FNDC3A: variants seen among roughly 807,000 people sequenced by gnomAD.
FNDC3A encodes fibronectin type III domain containing 3A.
A neutral mutation model predicts 148.9 loss-of-function variants in FNDC3A; 32 were observed. The observed-to-expected ratio is 0.21, with a 90% CI of 0.16 to 0.29. The LOEUF (loss-of-function observed/expected upper bound fraction) is 0.29, where lower values mean the gene tolerates loss of function less well. Ranked by LOEUF, FNDC3A falls within the 10% of genes least tolerant of loss-of-function variation. FNDC3A has a pLI of 1.00. For missense variants in FNDC3A, 1,191 were observed against 1,452.8 expected (o/e 0.82, Z 2.93); for synonymous variants, 472 against 473.6 (o/e 1.00, Z 0.04).
chr13:48,999,288 G>A (rs1004094593), intron 1 of FNDC3A, among the ~76,000 whole-genome samples: 3 of 152,228 alleles, frequency 2.0e-5, no homozygotes, highest in African/African-American at 7.2e-5. Flanking sequence ...AGATCTAACA[G>A]TATTTGCCTT....
chr13:49,156,238 C>T (rs1025400613), intron 8 of FNDC3A, among the ~76,000 whole-genome samples: 3 of 148,446 alleles, frequency 2.0e-5, no homozygotes, highest in South Asian at 2.1e-4. Flanking sequence ...GGATAGTTAG[C>T]TCTTCTTGTT....
chr13:49,198,015 G>A lies in FNDC3A; in HGVS notation c.2524G>A (p.Glu842Lys). The A allele has an allele frequency of 6.2e-7, 1 of 1,614,100 alleles. No individual in the cohort carries two copies. The highest frequency in any genetic ancestry group is 8.5e-7 in the Non-Finnish European group (1 of 1,179,978). ...TGTTGTGGGTGCAGGCCCTTTCAGT[G>A]AAGTAGTAGCCTGTGTGACTCCACC... ...LSVVGAGPFS[E>K]VVACVTPPSV... Residue 842 changes from glutamate (E) to lysine (K), a missense_variant, in exon 22 of 26, where the codon GAA becomes AAA. Physicochemically the swap from Glu to Lys is moderately conservative, Grantham distance 56. Coordinates refer to ENST00000492622, the MANE Select transcript of FNDC3A (RefSeq NM_001079673.2).
At chr13:49,118,988 AGAGCTCCCAAGCTCTGCT>A (rs1024535668) in intron 4 of FNDC3A, among the ~76,000 whole-genome samples, 4 of 152,358 alleles carry the variant, frequency 2.6e-5, no homozygotes, top group African/African-American at 7.2e-5. Context: ...ATCTCCCAGC[AGAGCTCCCAAGCTCTGCT>A]AAGGGACACA....
In FNDC3A at chr13:49,032,482, G is replaced by A. The variant is rs565981147; in HGVS notation, c.99+26193G>A. 3.9e-5 allele frequency among the ~76,000 whole-genome samples: 6 copies of A among 152,330 alleles called. No homozygotes were observed. In the East Asian group the frequency reaches 1.2e-3, roughly 29 times the overall value. On this transcript the variant is annotated intron_variant, in intron 2 of 25. Coordinates refer to ENST00000492622, the MANE Select transcript of FNDC3A (RefSeq NM_001079673.2). ...GAAGCACTTCAGTATATGCCGCAATGTGGATGAACCTCAAAAACATTATGC... is the reference window on the plus strand; with the variant it reads ...GAAGCACTTCAGTATATGCCGCAATATGGATGAACCTCAAAAACATTATGC...
chr13:49,060,224 A>G (rs1876567469), intron 2 of FNDC3A, among the ~76,000 whole-genome samples: 1 of 152,280 alleles, frequency 6.6e-6, no homozygotes, highest in Admixed American at 6.5e-5. Context: ...ACTTTTGTAC[A>G]TGAATGTTTA....
intron 7 of FNDC3A, among the ~76,000 whole-genome samples, chr13:49,143,168 A>G (rs1036975485): frequency 1.3e-5 from 2 of 152,160 alleles, no homozygotes; most frequent in Non-Finnish European, 2.9e-5. Flanking sequence ...GTGCCCAGCC[A>G]TAAGATCTTT....
At chr13:49,151,571 T>C (rs1172160280) in intron 8 of FNDC3A, among the ~76,000 whole-genome samples, 1 of 152,176 alleles carries the variant, frequency 6.6e-6, no homozygotes, top group Non-Finnish European at 1.5e-5. Context: ...TTTGTTTCTT[T>C]TTGTTTTTTT....
At chr13:48,976,348 G>C (rs910498625) in intron 1 of FNDC3A, among the ~76,000 whole-genome samples, 171 bp downstream of exon 1, 2 of 152,184 alleles carry the variant, frequency 1.3e-5, no homozygotes, top group African/African-American at 4.8e-5. Context: ...CTGTGGGCGC[G>C]CTGTGGGCAG....
chr13:49,080,757 T>G (rs1405723746), intron 3 of FNDC3A, among the ~76,000 whole-genome samples: 1 of 152,174 alleles, frequency 6.6e-6, no homozygotes, highest in Non-Finnish European at 1.5e-5. Context: ...GTTTCTAAAT[T>G]TGGGTTACTG....
chr13:49,174,138 A>G (rs1308049412), intron 11 of FNDC3A, among the ~76,000 whole-genome samples: 2 of 152,164 alleles, frequency 1.3e-5, no homozygotes, highest in South Asian at 2.1e-4. Flanking sequence ...GTAGTCTTCT[A>G]TGGAGATTGT....
chr13:49,013,494 A>G (rs116950485), intron 2 of FNDC3A, among the ~76,000 whole-genome samples: 196 of 151,592 alleles, frequency 1.3e-3, no homozygotes, highest in South Asian at 4.0e-3. Context: ...ATGTATATAC[A>G]TGTACATGCG....
intron 11 of FNDC3A, among the ~76,000 whole-genome samples, 182 bp downstream of exon 11, chr13:49,172,278 A>G (rs1272716328): frequency 2.0e-5 from 3 of 152,132 alleles, no homozygotes; most frequent in Non-Finnish European, 4.4e-5. Context: ...TAACTTCCCT[A>G]TTTTCAATAA....
upstream of FNDC3A, chr13:48,975,640 G>A (rs975192851): frequency 6.6e-6 from 1 of 152,224 alleles, no homozygotes; most frequent in African/African-American, 2.4e-5. Flanking sequence ...CACTTTTCCT[G>A]AGTGTAGCTC....
intron 2 of FNDC3A, among the ~76,000 whole-genome samples, chr13:49,019,202 T>C (rs1379905563): frequency 6.6e-6 from 1 of 151,992 alleles, no homozygotes; most frequent in Non-Finnish European, 1.5e-5. Flanking sequence ...TCCCCCAGCC[T>C]CGCTGCTGCC....
intron 8 of FNDC3A, among the ~76,000 whole-genome samples, chr13:49,150,943 CA>C (rs35888648): frequency 0.56 from 60,272 of 107,084 alleles, 15,308 homozygotes; most frequent in Non-Finnish European, 0.65. Context: ...GACTCCGTCT[CA>C]AAAAAAAAAA....
At chr13:48,992,897 G>A (rs1022759822) in intron 1 of FNDC3A, among the ~76,000 whole-genome samples, 1 of 152,098 alleles carries the variant, frequency 6.6e-6, no homozygotes, top group Non-Finnish European at 1.5e-5. Flanking sequence ...TACTTGATGC[G>A]TGTTTGTTTA....
chr13:48,987,002 A>G (rs539935702), intron 1 of FNDC3A, among the ~76,000 whole-genome samples: 6 of 152,348 alleles, frequency 3.9e-5, no homozygotes, highest in African/African-American at 7.2e-5. Context: ...TTACCAATGT[A>G]TTACTGTGGC....
At chr13:48,992,608 G>A (rs1264573789) in intron 1 of FNDC3A, among the ~76,000 whole-genome samples, 2 of 152,124 alleles carry the variant, frequency 1.3e-5, no homozygotes, top group African/African-American at 4.8e-5. Context: ...AGAGATGACG[G>A]GTAAGTTCAT....
chr13:49,173,207 G>T (rs1030003002), intron 11 of FNDC3A, among the ~76,000 whole-genome samples: 1 of 152,212 alleles, frequency 6.6e-6, no homozygotes, highest in Admixed American at 6.5e-5. Context: ...AAGCTAAGAA[G>T]AGGGGCCAGA....
Sources: gnomAD v4.1 joint callset for allele counts (sites outside exome capture counted in the v4.1 genomes callset) on GRCh38, gnomAD v4.1.1 for gene constraint, MANE v1.5 for transcripts, NCBI Gene and HGNC (gene_info 2026-07-23, HGNC 2026-07-21) for gene names.